The following OTUD7A variants were observed in gnomAD, a reference collection of about 807,000 sequenced individuals.
OTUD7A encodes the protein OTU domain-containing protein 7A.
A neutral mutation model predicts 65.7 loss-of-function variants in OTUD7A; 12 were observed. The ratio of observed to expected loss-of-function variants is 0.18; its 90% CI spans 0.12 to 0.30. The LOEUF (loss-of-function observed/expected upper bound fraction) is 0.30. Among genes scored for constraint, OTUD7A ranks in the 10% least tolerant of loss-of-function variants. The probability of loss-of-function intolerance (pLI) is 1.00; values close to 1 mark genes in which losing one functional copy is unlikely to be tolerated. For synonymous variants in OTUD7A, 641 were observed against 586.3 expected, an observed-to-expected ratio of 1.09 and a Z score of -1.35; for missense variants, 1,148 against 1,304.8, an observed-to-expected ratio of 0.88 and a Z score of 1.85.
At chr15:31,502,344 T>C (rs185680893) in intron 9 of OTUD7A, among the ~76,000 whole-genome samples, 15 of 152,310 alleles carry the variant, frequency 9.8e-5, no homozygotes, top group African/African-American at 3.6e-4. Context: ...GGGACACAAT[T>C]TCACTCATTT....
chr15:31,598,603 C>T (rs1889979138), intron 3 of OTUD7A, among the ~76,000 whole-genome samples: 1 of 152,142 alleles, frequency 6.6e-6, no homozygotes, highest in African/African-American at 2.4e-5. Context: ...AAACTAGTTG[C>T]AGGAGGTTTT....
At chr15:31,507,212 A>C (rs8038975) in intron 8 of OTUD7A, among the ~76,000 whole-genome samples, 54,874 of 152,060 alleles carry the variant, frequency 0.36, 10,722 homozygotes, top group East Asian at 0.47. Context: ...TTAAAAATTT[A>C]TGTCAAATTT....
intron 3 of OTUD7A, among the ~76,000 whole-genome samples, chr15:31,573,896 G>A (rs1046822989): frequency 5.3e-5 from 8 of 152,126 alleles, no homozygotes; most frequent in Admixed American, 2.0e-4. Context: ...GCAAGACTCC[G>A]TCTCAAACAT....
At position 31,476,117 on chromosome 15, in the gene OTUD7A, G is replaced by C. The variant is rs1436816029; in HGVS notation, c.*7177C>G. 1 of 152,230 alleles carries C rather than the reference G, an allele frequency of 6.6e-6. No individual in the cohort carries two copies. The highest frequency in any genetic ancestry group is 2.4e-5 in the African/African-American group (1 of 41,456). 9.4% of individuals were successfully genotyped at this position (152,230 alleles called of 1,614,324 possible). A position where few individuals can be genotyped will look rare whatever the true frequency, so the allele number is the denominator to read the frequency against. ...TTAGTCCCTCTGTGGACCCAGCTAA[G>C]CCTGCTCCTTGCTCCTAACAGCGCC... On this transcript the variant is annotated 3_prime_UTR_variant, in exon 13 of 13. Coordinates refer to ENST00000307050, the MANE Select transcript of OTUD7A (RefSeq NM_001382637.1).
chr15:31,479,179 G>C lies in OTUD7A; in HGVS notation c.*4115C>G, dbSNP rs1321517908. ...CCAGCCACCTCTAGGCCCTTCATAC[G>C]GTGTGTCTGTCCTCAGCTGGCAGCA... is the stretch of plus-strand genomic sequence containing the variant. On this transcript the variant is annotated 3_prime_UTR_variant, in exon 13 of 13. Coordinates refer to ENST00000307050, the MANE Select transcript of OTUD7A (RefSeq NM_001382637.1). 6.6e-6 allele frequency: 1 copy of C among 152,200 alleles called. No homozygotes were observed. Among genetic ancestry groups the C allele is most frequent in the African/African-American group, 2.4e-5 (1 of 41,428 alleles). The allele number at this position is 152,200 out of a possible 1,614,324, so 9.4% of individuals were successfully genotyped here.
chr15:31,660,573 A>C (rs1227702680), intron 1 of OTUD7A, among the ~76,000 whole-genome samples: 1 of 152,226 alleles, frequency 6.6e-6, no homozygotes, highest in Non-Finnish European at 1.5e-5. Flanking sequence ...AACCTCCACA[A>C]CACCAGCTAG....
At chr15:31,750,041 C>T (rs556229953) in intron 1 of OTUD7A, among the ~76,000 whole-genome samples, 16 of 152,228 alleles carry the variant, frequency 1.1e-4, no homozygotes, top group African/African-American at 2.6e-4. Flanking sequence ...AACTCAAAAA[C>T]GCTGATAAAA....
At chr15:31,866,634 G>A (rs1897883275) in intron 1 of OTUD7A, among the ~76,000 whole-genome samples, 1 of 152,056 alleles carries the variant, frequency 6.6e-6, no homozygotes, top group African/African-American at 2.4e-5. Context: ...CTTTTTCCAA[G>A]GTTCAAGGGT....
At chr15:31,669,928 G>C (rs28819163) in intron 1 of OTUD7A, among the ~76,000 whole-genome samples, 51,275 of 136,094 alleles carry the variant, frequency 0.38, 8,139 homozygotes, top group East Asian at 0.65. Flanking sequence ...TTCTCCATTG[G>C]GGGTGTGTGT....
At chr15:31,686,029 T>G (rs1353125503) in intron 1 of OTUD7A, among the ~76,000 whole-genome samples, 1 of 152,216 alleles carries the variant, frequency 6.6e-6, no homozygotes, top group Non-Finnish European at 1.5e-5. Flanking sequence ...TCTCTTTCCA[T>G]GGCTCAGCAC....
intron 1 of OTUD7A, among the ~76,000 whole-genome samples, chr15:31,679,010 G>A (rs1892654341): frequency 6.6e-6 from 1 of 152,260 alleles, no homozygotes; most frequent in African/African-American, 2.4e-5. Flanking sequence ...CAAGGCTGTA[G>A]GAGCTCACCT....
At chr15:31,627,069 A>T (rs1382635542) in intron 3 of OTUD7A, among the ~76,000 whole-genome samples, 2 of 152,004 alleles carry the variant, frequency 1.3e-5, no homozygotes, top group African/African-American at 4.8e-5. Flanking sequence ...GCTGAAGGTT[A>T]GGGTGGCTAT....
intron 8 of OTUD7A, among the ~76,000 whole-genome samples, chr15:31,513,238 A>G (rs973402307): frequency 6.6e-6 from 1 of 152,266 alleles, no homozygotes; most frequent in Non-Finnish European, 1.5e-5. Flanking sequence ...AGTTGCGCAC[A>G]TACAGTAAAA....
intron 3 of OTUD7A, among the ~76,000 whole-genome samples, chr15:31,637,206 T>C (rs186053708): frequency 6.6e-6 from 1 of 152,054 alleles, no homozygotes; most frequent in Non-Finnish European, 1.5e-5. Flanking sequence ...GGGACAATTG[T>C]AGCTGGTGAC....
chr15:31,560,445 A>G (rs1323306668), intron 4 of OTUD7A, among the ~76,000 whole-genome samples: 1 of 152,252 alleles, frequency 6.6e-6, no homozygotes, highest in Non-Finnish European at 1.5e-5. Flanking sequence ...GAAGTCGATT[A>G]CCTAGAAAGT....
chr15:31,489,199 A>T (rs920417250), intron 10 of OTUD7A, among the ~76,000 whole-genome samples: 1 of 152,170 alleles, frequency 6.6e-6, no homozygotes, highest in Admixed American at 6.5e-5. Flanking sequence ...CCCATCCACA[A>T]TGTTTCCCAG....
At chr15:31,839,491 C>T (rs1480125892) in intron 1 of OTUD7A, among the ~76,000 whole-genome samples, 1 of 152,100 alleles carries the variant, frequency 6.6e-6, no homozygotes, top group East Asian at 1.9e-4. Context: ...GGAAATGTAA[C>T]CTAATTTGAG....
Position 31,506,366 on chromosome 15 carries a change from T to A in OTUD7A, c.894-2548A>T, listed in dbSNP as rs188166624. ...CAGATACAGTTTAGTTTACATTTTTTAAATTCATACTTACCAGAATAACGT... is the reference window on the plus strand; with the variant it reads ...CAGATACAGTTTAGTTTACATTTTTAAAATTCATACTTACCAGAATAACGT... On this transcript the variant is annotated intron_variant, in intron 8 of 12. Coordinates refer to ENST00000307050, the MANE Select transcript of OTUD7A (RefSeq NM_001382637.1). Among the ~76,000 whole-genome samples the A allele has an allele frequency of 2.7e-3, 410 of 152,312 alleles. 3 individuals carry two copies. The highest frequency in any genetic ancestry group is 9.3e-3 in the African/African-American group (388 of 41,562).
At chr15:31,502,018 T>C (rs1021296730) in intron 9 of OTUD7A, among the ~76,000 whole-genome samples, 179 bp from the exon 10 acceptor site, 17 of 152,140 alleles carry the variant, frequency 1.1e-4, no homozygotes, top group Non-Finnish European at 1.6e-4. Context: ...GTCATCTGTC[T>C]GCCCCAGGAC....
Sources: allele counts gnomAD v4.1 joint callset (sites outside exome capture counted in the v4.1 genomes callset), GRCh38; gene constraint gnomAD v4.1.1; transcripts MANE v1.5; gene names NCBI Gene and HGNC (gene_info 2026-07-23, HGNC 2026-07-21).